SSBP2: variants seen among roughly 807,000 people sequenced by gnomAD.
The protein encoded by SSBP2 is single stranded DNA binding protein 2, also known as single-stranded DNA-binding protein 2.
SSBP2 carries 17 observed loss-of-function variants against 61.8 expected under a neutral mutation model. The observed-to-expected ratio is 0.28, with a 90% confidence interval of 0.19 to 0.41. SSBP2 has a LOEUF of 0.41. Ranked by LOEUF, SSBP2 falls within the 10% of genes least tolerant of loss-of-function variation. The probability of loss-of-function intolerance (pLI) is 1.00; values close to 1 mark genes in which losing one functional copy is unlikely to be tolerated. For missense variants in SSBP2, 310 were observed against 458.7 expected, an observed-to-expected ratio of 0.68 and a Z score of 2.96; for synonymous variants, 139 against 141.3, an observed-to-expected ratio of 0.98 and a Z score of 0.12.
chr5:81,428,760 G>C, intron 15 of SSBP2, 77 bp from the exon 16 acceptor site: 1 of 954,452 alleles, frequency 1.0e-6, no homozygotes, highest in South Asian at 1.4e-5. Flanking sequence ...TTCGAATATT[G>C]AAACAGCATC....
chr5:81,497,103 A>G (rs943599582), intron 5 of SSBP2, among the ~76,000 whole-genome samples: 5 of 152,252 alleles, frequency 3.3e-5, no homozygotes, highest in African/African-American at 1.2e-4. Flanking sequence ...AAGAAATGTA[A>G]CAACTGAAAT....
chr5:81,505,748 T>G (rs1472531710), intron 5 of SSBP2, among the ~76,000 whole-genome samples: 1 of 152,228 alleles, frequency 6.6e-6, no homozygotes, highest in East Asian at 1.9e-4. Flanking sequence ...TGTTTCATAC[T>G]AAATGTGTTG....
intron 4 of SSBP2, among the ~76,000 whole-genome samples, chr5:81,544,112 G>T (rs560362360): frequency 6.6e-6 from 1 of 151,976 alleles, no homozygotes; most frequent in Non-Finnish European, 1.5e-5. Context: ...TGCAGTGGCG[G>T]GATCTCGGCT....
intron 4 of SSBP2, among the ~76,000 whole-genome samples, chr5:81,576,557 C>T (rs1181815805): frequency 1.3e-5 from 2 of 152,056 alleles, no homozygotes; most frequent in Admixed American, 1.3e-4. Context: ...AGTCTGTGTA[C>T]TTACTTAACC....
chr5:81,667,326 C>T (rs1170774234), intron 1 of SSBP2, among the ~76,000 whole-genome samples: 1 of 151,228 alleles, frequency 6.6e-6, no homozygotes, highest in Non-Finnish European at 1.5e-5. Flanking sequence ...CACACACACA[C>T]ACACACGCTC....
At chr5:81,428,784 C>A in intron 15 of SSBP2, 101 bp from the exon 16 acceptor site, 1 of 747,812 alleles carries the variant, frequency 1.3e-6, no homozygotes, top group South Asian at 1.8e-5. Context: ...AAGGACAAAG[C>A]ATACTTCTAA....
At chr5:81,637,129 A>T (rs1422624283) in intron 2 of SSBP2, among the ~76,000 whole-genome samples, 1 of 152,224 alleles carries the variant, frequency 6.6e-6, no homozygotes, top group Non-Finnish European at 1.5e-5. Context: ...ATCCCACACA[A>T]CCAGAACCAG....
At chr5:81,486,778 G>A (rs140355152) in intron 6 of SSBP2, among the ~76,000 whole-genome samples, 24 of 152,214 alleles carry the variant, frequency 1.6e-4, no homozygotes, top group African/African-American at 5.3e-4. Context: ...CCCCTGCCCC[G>A]ATGTACTGAA....
intron 4 of SSBP2, among the ~76,000 whole-genome samples, chr5:81,518,402 C>G (rs1234519099): frequency 6.6e-6 from 1 of 151,994 alleles, no homozygotes; most frequent in Non-Finnish European, 1.5e-5. Context: ...GAGGGTTCCT[C>G]CCTTGAGAAT....
chr5:81,719,227 A>C (rs10473851), intron 1 of SSBP2, among the ~76,000 whole-genome samples: 7,175 of 152,240 alleles, frequency 0.047, 212 homozygotes, highest in East Asian at 0.12. Context: ...AAGGAGCAGA[A>C]GGCTCCACAC....
chr5:81,665,935 C>A (rs1198961693), intron 1 of SSBP2, among the ~76,000 whole-genome samples: 1 of 152,162 alleles, frequency 6.6e-6, no homozygotes, highest in Non-Finnish European at 1.5e-5. Flanking sequence ...TGGATCACAG[C>A]CAGCTGAAGA....
intron 4 of SSBP2, among the ~76,000 whole-genome samples, chr5:81,591,748 A>G (rs1189577092): frequency 6.6e-6 from 1 of 152,244 alleles, no homozygotes; most frequent in Non-Finnish European, 1.5e-5. Context: ...CACAGAGGAA[A>G]AAAAGTGGGA....
chr5:81,572,581 C>T (rs1773916302), intron 4 of SSBP2, among the ~76,000 whole-genome samples: 1 of 151,886 alleles, frequency 6.6e-6, no homozygotes, highest in Non-Finnish European at 1.5e-5. Flanking sequence ...TTTAGATGAG[C>T]CATAGAGTTA....
At chr5:81,540,201 A>C (rs1041816256) in intron 4 of SSBP2, among the ~76,000 whole-genome samples, 1 of 152,204 alleles carries the variant, frequency 6.6e-6, no homozygotes, top group Non-Finnish European at 1.5e-5. Context: ...CGCAATAAAC[A>C]TATGTGTGCA....
In SSBP2 at chr5:81,413,423, C is replaced by A. The variant is rs1761206883; in HGVS notation, c.*7081G>T. 1 of 152,324 alleles carries A rather than the reference C, an allele frequency of 6.6e-6. No individual in the cohort carries two copies. Among genetic ancestry groups the A allele is most frequent in the South Asian group, 2.1e-4 (1 of 4,830 alleles). The allele number at this position is 152,324 out of a possible 1,614,324, so 9.4% of individuals were successfully genotyped here. ...ATCCCAGATTCCAATTATATTTATA[C>A]ATAAATTGTGCATTTATAAAAACCT... is the stretch of plus-strand genomic sequence containing the variant. On this transcript the variant is annotated 3_prime_UTR_variant, in exon 17 of 17. Coordinates refer to ENST00000320672, the MANE Select transcript of SSBP2 (RefSeq NM_012446.5).
At chr5:81,479,314 G>C (rs1424675908) in intron 6 of SSBP2, among the ~76,000 whole-genome samples, 1 of 151,004 alleles carries the variant, frequency 6.6e-6, no homozygotes, top group East Asian at 1.9e-4. Flanking sequence ...TTTTTGAGAC[G>C]GTGTCTCGCT....
chr5:81,638,160 G>T (rs1309230494), intron 2 of SSBP2, among the ~76,000 whole-genome samples: 1 of 150,922 alleles, frequency 6.6e-6, no homozygotes, highest in Non-Finnish European at 1.5e-5. Flanking sequence ...GCTAGATGAC[G>T]AGTTAGTGGG....
chr5:81,639,550 A>G (rs1417095479), intron 2 of SSBP2, among the ~76,000 whole-genome samples: 1 of 152,146 alleles, frequency 6.6e-6, no homozygotes, highest in Non-Finnish European at 1.5e-5. Flanking sequence ...AACTAAGCAG[A>G]GAAGGGGGAT....
intron 4 of SSBP2, among the ~76,000 whole-genome samples, chr5:81,562,577 A>G (rs765587493): frequency 1.3e-5 from 2 of 152,182 alleles, no homozygotes; most frequent in Non-Finnish European, 2.9e-5. Flanking sequence ...ATAAGAGCAA[A>G]CCAATCCATG....
Sources: gnomAD v4.1 joint callset for allele counts (sites outside exome capture counted in the v4.1 genomes callset) on GRCh38, gnomAD v4.1.1 for gene constraint, MANE v1.5 for transcripts, NCBI Gene and HGNC (gene_info 2026-07-23, HGNC 2026-07-21) for gene names.